The following FAM186A variants were observed in gnomAD, a reference collection of about 807,000 sequenced individuals.
FAM186A encodes family with sequence similarity 186 member A.
A neutral mutation model predicts 216.8 loss-of-function variants in FAM186A; 163 were observed. The observed-to-expected ratio is 0.75, with a 90% CI of 0.66 to 0.86. The LOEUF (loss-of-function observed/expected upper bound fraction) is 0.86, where lower values mean the gene tolerates loss of function less well. FAM186A is among the 40% of genes least tolerant of loss of function. FAM186A has a pLI of 0.00. For missense variants in FAM186A, 2,184 were observed against 2,746.2 expected, an observed-to-expected ratio of 0.80 and a Z score of 4.58; for synonymous variants, 805 against 1,025.3, an observed-to-expected ratio of 0.79 and a Z score of 4.10.
At chr12:50,380,568 T>C (rs1036564921) in intron 1 of FAM186A, among the ~76,000 whole-genome samples, 2 of 147,640 alleles carry the variant, frequency 1.4e-5, no homozygotes, top group Non-Finnish European at 3.0e-5. Flanking sequence ...TGCTGGTGCA[T>C]GCCTGTAATC....
At chr12:50,366,128 A>G (rs1314256614) in intron 1 of FAM186A, 1 of 399,520 alleles carries the variant, frequency 2.5e-6, no homozygotes, top group Non-Finnish European at 4.6e-6. Flanking sequence ...TACTTGAAAC[A>G]AAAAAAAAAG....
chr12:50,340,299 T>C (rs539345743), intron 4 of FAM186A, among the ~76,000 whole-genome samples: 4 of 152,344 alleles, frequency 2.6e-5, no homozygotes, highest in Admixed American at 6.5e-5. Flanking sequence ...TTTGTGTGAC[T>C]GTCTCTCTGA....
chr12:50,378,573 T>TAC (rs1347007206), intron 1 of FAM186A, among the ~76,000 whole-genome samples: 3 of 12,080 alleles, frequency 2.5e-4, no homozygotes, highest in African/African-American at 2.9e-4. Context: ...TATATATATA[T>TAC]ACACATATGT....
chr12:50,346,569 C>T lies in FAM186A; in HGVS notation c.6503+3760G>A, dbSNP rs141241724. On this transcript the variant is annotated intron_variant, in intron 4 of 7. Transcript: ENST00000327337. ...ATTTATTTAAACATACAAAAATCGC[C>T]GGGCGTGGTGGCTCACGCCTGTAAT... 7.6e-3 allele frequency among the ~76,000 whole-genome samples: 1,163 copies of T among 152,266 alleles called. 13 individuals carry two copies. The highest frequency in any genetic ancestry group is 0.026 in the African/African-American group (1,083 of 41,568).
chr12:50,378,117 C>G (rs1010266201), intron 1 of FAM186A, among the ~76,000 whole-genome samples: 3 of 151,806 alleles, frequency 2.0e-5, no homozygotes, highest in Admixed American at 6.6e-5. Flanking sequence ...CCCAGCTACT[C>G]TGGAGGCTGA....
chr12:50,329,327 C>A (rs1942633492), intron 7 of FAM186A, among the ~76,000 whole-genome samples: 1 of 151,918 alleles, frequency 6.6e-6, no homozygotes, highest in Non-Finnish European at 1.5e-5. Flanking sequence ...CTCAAAATAA[C>A]CTAAATTAAT....
At chr12:50,396,144 T>A (rs1434065911) in intron 1 of FAM186A, 149 bp downstream of exon 1, 12 of 611,772 alleles carry the variant, frequency 2.0e-5, no homozygotes, top group Admixed American at 3.5e-5. Flanking sequence ...CCACAGTCGG[T>A]GTCAGGTGAA....
rs1452823221 is a variant in FAM186A at position 50,353,652 on chromosome 12, T to G, written c.3180A>C (p.Gly1060=). Reference sequence around the variant, plus strand: ...GAGGCTGGCCAGAAATAGGAAGAGCTCCAGGCAGGGAGTATTGTAGGGAGG... The same window carrying G: ...GAGGCTGGCCAGAAATAGGAAGAGCGCCAGGCAGGGAGTATTGTAGGGAGG... The part of the protein sequence containing the change: ...PPPSLQYSLP[G]ALPISGQPLT... Residue 1060 remains glycine (G), a synonymous_variant, in exon 4 of 8, where the codon GGA becomes GGC. Transcript: ENST00000327337. 1 of 1,536,060 alleles carries G rather than the reference T, an allele frequency of 6.5e-7. No individual in the cohort carries two copies. Among genetic ancestry groups the G allele is most frequent in the South Asian group, 1.2e-5 (1 of 80,842 alleles).
rs1347382661 is a variant in FAM186A at position 50,352,833 on chromosome 12, C to G, written c.3999G>C (p.Gln1333His). ...GAGGGGTGAGAGTGATCTCCTGAGT[C>G]TGCGCCTGCTGAGGGGTGAGAGGGA... ...LGIPLTPQQA[Q>H]TQEITLTPQQ... The change falls in exon 4 of 8, where the codon CAG becomes CAC. Residue 1333 changes from glutamine to histidine, a missense_variant. Gln to His is a conservative substitution (Grantham distance 24, BLOSUM62 0). This residue lies in a region of FAM186A where 267 missense variants were observed against 446.2 expected (regional missense o/e 0.60). Transcript: ENST00000327337. 2.6e-6 allele frequency: 4 copies of G among 1,547,424 alleles called. No homozygotes were observed. The highest frequency in any genetic ancestry group is 1.7e-4 in the Middle Eastern group (1 of 5,974).
rs771332509 is a variant in FAM186A at position 50,355,429 on chromosome 12, A to G, written c.1403T>C (p.Val468Ala). 12 of 1,551,234 alleles carry G rather than the reference A, an allele frequency of 7.7e-6. No individual in the cohort carries two copies. In the South Asian group the frequency reaches 1.4e-4, roughly 18 times the overall value. ...CAGATTTGGTCCAGAGGTCTCATAT[A>G]CATATGTGGCTTTTTTGTGGCTTCT... The part of the protein sequence containing the change: ...WKRSHKKATY[V>A]YETSGPNLSD... The change falls in exon 4 of 8, where the codon GTA becomes GCA. Residue 468 changes from valine to alanine, a missense_variant. Physicochemically the swap from Val to Ala is moderately conservative, Grantham distance 64 (BLOSUM62 0). Coordinates refer to ENST00000327337, the MANE Select transcript of FAM186A (RefSeq NM_001145475.3).
intron 1 of FAM186A, 70 bp downstream of exon 1, chr12:50,396,222 CA>C: frequency 7.3e-7 from 1 of 1,370,704 alleles, no homozygotes; most frequent in Non-Finnish European, 9.7e-7. Flanking sequence ...CTAAAATAAA[CA>C]AAAATGTACT....
intron 4 of FAM186A, among the ~76,000 whole-genome samples, chr12:50,339,204 A>C (rs983446397): frequency 1.3e-5 from 2 of 152,088 alleles, no homozygotes; most frequent in African/African-American, 4.8e-5. Context: ...TTTTGTAGAG[A>C]CAGGGTCTCA....
chr12:50,363,233 A>T lies in FAM186A; in HGVS notation c.324T>A (p.Asn108Lys). 6.4e-7 allele frequency: 1 copy of T among 1,551,548 alleles called. No homozygotes were observed. Among genetic ancestry groups the T allele is most frequent in the African/African-American group, 1.4e-5 (1 of 73,152 alleles). Reference sequence around the variant, plus strand: ...CGTAAGTAGCCATTTTCTCAAGAAAATTGGTTCTCTGTTTTTTCTTATGTT... The same window carrying T: ...CGTAAGTAGCCATTTTCTCAAGAAATTTGGTTCTCTGTTTTTTCTTATGTT... The part of the protein sequence containing the change: ...LTEHKKKQRT[N>K]FLEKMATYAK... The change falls in exon 2 of 8, where the codon AAT becomes AAA. Residue 108 changes from asparagine to lysine, a missense_variant. Physicochemically the swap from Asn to Lys is moderately conservative, Grantham distance 94. Transcript: ENST00000327337.
intron 5 of FAM186A, 82 bp downstream of exon 5, chr12:50,333,829 C>T (rs901988975): frequency 9.3e-6 from 12 of 1,293,794 alleles, no homozygotes; most frequent in Admixed American, 7.9e-5. Context: ...GACATGGTGT[C>T]TCCAGGTAAA....
chr12:50,387,088 G>A (rs1037869190), intron 1 of FAM186A, among the ~76,000 whole-genome samples: 2 of 152,072 alleles, frequency 1.3e-5, no homozygotes, highest in Non-Finnish European at 2.9e-5. Context: ...ATGGACATCA[G>A]GTGGGTGTCT....
chr12:50,386,614 C>CT (rs1175833003), intron 1 of FAM186A, among the ~76,000 whole-genome samples: 1 of 152,080 alleles, frequency 6.6e-6, no homozygotes, highest in African/African-American at 2.4e-5. Context: ...AATCCCAGCA[C>CT]TTTGGGAGGC....
At chr12:50,345,893 A>G (rs1942806561) in intron 4 of FAM186A, among the ~76,000 whole-genome samples, 1 of 151,106 alleles carries the variant, frequency 6.6e-6, no homozygotes, top group Non-Finnish European at 1.5e-5. Flanking sequence ...GAAAAATGAC[A>G]TTGGTAGTTT....
At position 50,355,779 on chromosome 12, in the gene FAM186A, T is replaced by C; in HGVS notation, c.1053A>G (p.Lys351=). The C allele has an allele frequency of 6.4e-7, 1 of 1,551,686 alleles. No homozygotes were observed. The highest frequency in any genetic ancestry group is 8.7e-7 in the Non-Finnish European group (1 of 1,146,986). ...YAKLSTSSTL[K]VLPGPSPQSS... is the part of the protein sequence containing the mutation. Reference sequence around the variant, plus strand: ...ACTGTGGAGAAGGTCCAGGTAACACTTTCAAGGTTGATGATGTGGACAATT... The same window carrying C: ...ACTGTGGAGAAGGTCCAGGTAACACCTTCAAGGTTGATGATGTGGACAATT... The change falls in exon 4 of 8, where the codon AAA becomes AAG. Residue 351 remains lysine (K), a synonymous_variant. Transcript: ENST00000327337.
In FAM186A at chr12:50,365,805, A is replaced by C. The variant is rs767663558; in HGVS notation, c.193-2441T>G. 1.5e-5 allele frequency: 11 copies of C among 757,930 alleles called. No homozygotes were observed. In the South Asian group the frequency reaches 1.5e-4, roughly 10 times the overall value. 47.0% of individuals were successfully genotyped at this position (757,930 alleles called of 1,614,324 possible). ...CATGTGATCCGTGCCCATCTGAAAGAATGATGAAGTTCAGGTTGTATGAGG... is the reference window on the plus strand; with the variant it reads ...CATGTGATCCGTGCCCATCTGAAAGCATGATGAAGTTCAGGTTGTATGAGG... On this transcript the variant is annotated intron_variant, in intron 1 of 7. Coordinates refer to ENST00000327337, the MANE Select transcript of FAM186A (RefSeq NM_001145475.3).
Sources: allele counts gnomAD v4.1 joint callset (sites outside exome capture counted in the v4.1 genomes callset), GRCh38; gene constraint gnomAD v4.1.1; regional missense constraint gnomAD v4.1.1; transcripts MANE v1.5; gene names NCBI Gene and HGNC (gene_info 2026-07-23, HGNC 2026-07-21).